The following OCIAD2 variants were observed in gnomAD, a reference collection of about 807,000 sequenced individuals.
OCIAD2 encodes the protein OCIA domain containing 2, also known as OCIA domain-containing protein 2.
Under a neutral mutation model 22.9 loss-of-function variants are expected in OCIAD2, and 29 were observed. That is an observed-to-expected ratio of 1.27 (90% CI 0.94 to 1.73). The LOEUF (loss-of-function observed/expected upper bound fraction) is 1.73. Among genes scored for constraint, OCIAD2 ranks in the 40% most tolerant of loss-of-function variants. OCIAD2 has a pLI of 0.00. For synonymous variants in OCIAD2, 67 were observed against 60.2 expected (o/e 1.11, Z -0.52); for missense variants, 189 against 180.3 (o/e 1.05, Z -0.28).
chr4:48,894,100 AATTAT>A (rs1387237145), intron 4 of OCIAD2, 47 bp from the exon 5 acceptor site: 3 of 983,700 alleles, frequency 3.0e-6, no homozygotes, highest in East Asian at 6.1e-5. Context: ...TCATAAATTA[AATTAT>A]AAGTTATAAA....
Position 48,899,893 on chromosome 4 carries a change from G to T in OCIAD2, c.99C>A (p.His33Gln). ...SLLFCPKSKL[H>Q]IHRAEISKIM... is the part of the protein sequence containing the mutation. ...TCTTTGAGATCTCTGCTCTGTGGAT[G>T]TGCAGTTTTGATTTTGGACAAAACA... is the stretch of plus-strand genomic sequence containing the variant. Residue 33 changes from histidine (H) to glutamine (Q), a missense_variant, in exon 3 of 7, where the codon CAC becomes CAA. His to Gln is a conservative substitution (Grantham distance 24). Coordinates refer to ENST00000508632, the MANE Select transcript of OCIAD2 (RefSeq NM_001014446.3). The T allele has an allele frequency of 1.2e-6, 2 of 1,613,796 alleles. No homozygotes were observed. The highest frequency in any genetic ancestry group is 1.7e-6 in the Non-Finnish European group (2 of 1,179,888).
chr4:48,889,542 A>G (rs1434762960), intron 6 of OCIAD2, among the ~76,000 whole-genome samples: 2 of 152,234 alleles, frequency 1.3e-5, no homozygotes, highest in Non-Finnish European at 2.9e-5. Context: ...AATGCAAATC[A>G]AAACCACAAT....
chr4:48,904,817 G>A (rs1781492823), intron 1 of OCIAD2, among the ~76,000 whole-genome samples: 1 of 152,184 alleles, frequency 6.6e-6, no homozygotes, highest in South Asian at 2.1e-4. Flanking sequence ...TTAGAATAGA[G>A]TGGAAATACC....
chr4:48,889,179 G>A (rs1367684856), intron 6 of OCIAD2, among the ~76,000 whole-genome samples: 1 of 152,122 alleles, frequency 6.6e-6, no homozygotes. Context: ...GGGATCAGTG[G>A]TGATATCCCC....
chr4:48,890,500 T>G (rs1781138574), intron 6 of OCIAD2, among the ~76,000 whole-genome samples: 1 of 152,184 alleles, frequency 6.6e-6, no homozygotes, highest in South Asian at 2.1e-4. Flanking sequence ...TTTGGACACA[T>G]ATGTGCACAT....
chr4:48,887,051 T>C (rs1211283466), intron 6 of OCIAD2, among the ~76,000 whole-genome samples: 7 of 152,232 alleles, frequency 4.6e-5, no homozygotes, highest in Admixed American at 1.3e-4. Flanking sequence ...TGTGAGATGG[T>C]ATCTCATTGT....
chr4:48,886,292 GT>G (rs1228667998), intron 6 of OCIAD2, among the ~76,000 whole-genome samples: 2 of 152,150 alleles, frequency 1.3e-5, no homozygotes, highest in African/African-American at 4.8e-5. Flanking sequence ...TATATCTCCT[GT>G]TTTGGTACCA....
At chr4:48,897,911 C>T in intron 3 of OCIAD2, 54 bp from the exon 4 acceptor site, 1 of 1,289,624 alleles carries the variant, frequency 7.8e-7, no homozygotes. Context: ...GGCACCTCAC[C>T]TAGAAGTTAG....
At chr4:48,899,963 T>C (rs1781380766) in intron 2 of OCIAD2, 38 bp from the exon 3 acceptor site, 4 of 1,473,298 alleles carry the variant, frequency 2.7e-6, no homozygotes, top group Admixed American at 1.7e-5. Context: ...ACTGAGGTCA[T>C]TGAAAAATCA....
intron 2 of OCIAD2, among the ~76,000 whole-genome samples, chr4:48,900,796 G>A (rs1781398739): frequency 6.6e-6 from 1 of 152,078 alleles, no homozygotes; most frequent in Non-Finnish European, 1.5e-5. Context: ...GTTTTGCCAT[G>A]TTGCCCAGGC....
chr4:48,885,269 A>G lies in OCIAD2; in HGVS notation c.*215T>C. 1 of 508,764 alleles carries G rather than the reference A, an allele frequency of 2.0e-6. No individual in the cohort carries two copies. Among genetic ancestry groups the G allele is most frequent in the African/African-American group, 2.0e-5 (1 of 51,082 alleles). The allele number at this position is 508,764 out of a possible 1,614,324, so 31.5% of individuals were successfully genotyped here. ...CTCCCAAAGTACTGGGATTACAGGC[A>G]TGAGCCACTGCGCCATGCCCCGACA... On this transcript the variant is annotated 3_prime_UTR_variant, in exon 7 of 7. Transcript: ENST00000508632.
In OCIAD2 at chr4:48,906,726, T is replaced by A. The variant is rs1269000564; in HGVS notation, c.-131A>T. ...AAGCCCAGCAGGCCTCGCTCCCCCG[T>A]GACTGCACCGCCGGCCCGCTCCAGC... On this transcript the variant is annotated 5_prime_UTR_variant, in exon 1 of 7. Transcript: ENST00000508632. 1 of 153,386 alleles carries A rather than the reference T, an allele frequency of 6.5e-6. No homozygotes were observed. Among genetic ancestry groups the A allele is most frequent in the East Asian group, 1.9e-4 (1 of 5,218 alleles). The allele number at this position is 153,386 out of a possible 1,614,324, so 9.5% of individuals were successfully genotyped here. A position where few individuals can be genotyped will look rare whatever the true frequency, so the allele number is the denominator to read the frequency against.
intron 4 of OCIAD2, among the ~76,000 whole-genome samples, chr4:48,897,489 G>T (rs1436171931): frequency 1.3e-5 from 2 of 152,080 alleles, no homozygotes; most frequent in African/African-American, 4.8e-5. Flanking sequence ...CCTTTCACTT[G>T]TAAGGACCCT....
chr4:48,899,923 G>A lies in OCIAD2; in HGVS notation c.69C>T (p.Ser23=). ...DAHFPPPSKQ[S]LLFCPKSKLH... ...GTTTTGATTTTGGACAAAACAACAG[G>A]CTCTGTAAGGAAAGTTATATGGTGA... Residue 23 remains serine, a splice_region_variant and synonymous_variant, in exon 3 of 7, where the codon AGC becomes AGT. Transcript: ENST00000508632. 9 of 1,611,250 alleles carry A rather than the reference G, an allele frequency of 5.6e-6. No homozygotes were observed. Among genetic ancestry groups the A allele is most frequent in the Middle Eastern group, 1.7e-4 (1 of 6,054 alleles).
rs762463618 is a variant in OCIAD2 at position 48,885,450 on chromosome 4, G to A, written c.*34C>T. The A allele has an allele frequency of 5.1e-6, 6 of 1,174,760 alleles. No homozygotes were observed. Among genetic ancestry groups the A allele is most frequent in the African/African-American group, 1.5e-5 (1 of 66,004 alleles). The allele number at this position is 1,174,760 out of a possible 1,614,324, so 72.8% of individuals were successfully genotyped here. A position where few individuals can be genotyped will look rare whatever the true frequency, so the allele number is the denominator to read the frequency against. ...ATTTTAAATGTGTACAAATTCAGAG[G>A]TTTAAAAAACTTCGAAAGTCACAGA... is the stretch of plus-strand genomic sequence containing the variant. On this transcript the variant is annotated 3_prime_UTR_variant, in exon 7 of 7. Coordinates refer to ENST00000508632, the MANE Select transcript of OCIAD2 (RefSeq NM_001014446.3).
In OCIAD2 at chr4:48,897,844, A is replaced by G; in HGVS notation, c.177T>C (p.Ser59=). The G allele has an allele frequency of 6.2e-7, 1 of 1,612,784 alleles. No individual in the cohort carries two copies. Among genetic ancestry groups the G allele is most frequent in the Non-Finnish European group, 8.5e-7 (1 of 1,178,856 alleles). ...CCTGGGTGACAAGCATGCTTACAAG[A>G]GAAAAAGGCAGAGCTGTAAAGCAAA... The part of the protein sequence containing the change: ...ESFWKRALPF[S]LVSMLVTQGL... The change falls in exon 4 of 7, where the codon TCT becomes TCC. Residue 59 remains serine, a synonymous_variant. Transcript: ENST00000508632.
intron 5 of OCIAD2, 65 bp downstream of exon 5, chr4:48,893,941 C>T: frequency 9.4e-7 from 1 of 1,060,894 alleles, no homozygotes; most frequent in South Asian, 2.1e-5. Context: ...CTCAGCCTCC[C>T]AAAGTGCTGG....
At chr4:48,888,957 C>T (rs945866575) in intron 6 of OCIAD2, among the ~76,000 whole-genome samples, 29 of 152,246 alleles carry the variant, frequency 1.9e-4, no homozygotes, top group Non-Finnish European at 3.2e-4. Context: ...GCTGTGAATC[C>T]GTCTGGTCCT....
chr4:48,906,365 G>T (rs1216376597), intron 1 of OCIAD2, among the ~76,000 whole-genome samples: 7 of 152,174 alleles, frequency 4.6e-5, no homozygotes, highest in South Asian at 2.1e-4. Context: ...TGGCTTGGAG[G>T]GGGGCGCCTG....
Sources: allele counts gnomAD v4.1 joint callset (sites outside exome capture counted in the v4.1 genomes callset), GRCh38; gene constraint gnomAD v4.1.1; transcripts MANE v1.5; gene names NCBI Gene and HGNC (gene_info 2026-07-23, HGNC 2026-07-21).